Variants in DACH2 observed in about 807,000 individuals in gnomAD.
DACH2 encodes the protein dachshund family transcription factor 2.
Under a neutral mutation model 35.8 loss-of-function variants are expected in DACH2, and 17 were observed. The ratio of observed to expected loss-of-function variants is 0.48; its 90% CI spans 0.33 to 0.71. The LOEUF (loss-of-function observed/expected upper bound fraction) is 0.71, where lower values mean the gene tolerates loss of function less well. DACH2 is among the 30% of genes least tolerant of loss of function. The pLI, the probability that DACH2 is intolerant of heterozygous loss-of-function variation, is 0.02. For missense variants in DACH2, 469 were observed against 472.7 expected (o/e 0.99, Z 0.07); for synonymous variants, 195 against 177.3 (o/e 1.10, Z -0.79).
intron 3 of DACH2, among the ~76,000 whole-genome samples, chrX:86,533,554 A>C (rs2038754501): frequency 8.9e-6 from 1 of 111,846 alleles, no homozygotes; most frequent in African/African-American, 3.2e-5. Flanking sequence ...TGTATGATTT[A>C]TGAAGGTAAG....
At chrX:86,464,859 A>G (rs895091174) in intron 2 of DACH2, among the ~76,000 whole-genome samples, 1 of 111,690 alleles carries the variant, frequency 9.0e-6, no homozygotes, top group African/African-American at 3.3e-5. Flanking sequence ...ACAAATCTAT[A>G]CTATTAAGAA....
chrX:86,672,571 C>T (rs1471882357), intron 4 of DACH2, among the ~76,000 whole-genome samples: 1 of 112,028 alleles, frequency 8.9e-6, no homozygotes, highest in Non-Finnish European at 1.9e-5. Flanking sequence ...GACTGCTGCT[C>T]CAGAGGGTGA....
At chrX:86,753,960 C>T (rs1310366398) in intron 7 of DACH2, among the ~76,000 whole-genome samples, 1 of 107,876 alleles carries the variant, frequency 9.3e-6, no homozygotes, top group Non-Finnish European at 1.9e-5. Flanking sequence ...AACAAATGTT[C>T]AAACACACAA....
intron 3 of DACH2, among the ~76,000 whole-genome samples, chrX:86,617,712 A>G (rs905314184): frequency 2.7e-5 from 3 of 111,959 alleles, no homozygotes; most frequent in African/African-American, 3.2e-5. Context: ...TTCAAGTACA[A>G]GTACTATAAA....
intron 1 of DACH2, among the ~76,000 whole-genome samples, chrX:86,171,089 C>T (rs67862954): frequency 0.15 from 16,638 of 111,415 alleles, 1,403 homozygotes; most frequent in African/African-American, 0.31. Context: ...CCCTATGCAG[C>T]TCCCAGCTTG....
intron 3 of DACH2, among the ~76,000 whole-genome samples, chrX:86,605,943 C>G (rs189847592): frequency 8.1e-5 from 9 of 110,958 alleles, no homozygotes; most frequent in African/African-American, 2.3e-4. Flanking sequence ...TTAAATTCTC[C>G]TTTGTTCATG....
intron 1 of DACH2, among the ~76,000 whole-genome samples, chrX:86,296,914 G>A (rs1173216093): frequency 9.1e-6 from 1 of 109,330 alleles, no homozygotes; most frequent in African/African-American, 3.3e-5. Flanking sequence ...CTAAGAAACA[G>A]GGATGTAGCA....
chrX:86,308,164 C>A (rs766646305), intron 1 of DACH2, among the ~76,000 whole-genome samples: 1 of 112,358 alleles, frequency 8.9e-6, no homozygotes, highest in African/African-American at 3.2e-5. Flanking sequence ...ATACCCTTGA[C>A]CCATGCCTTG....
chrX:86,375,318 A>G (rs1484468464), intron 1 of DACH2, among the ~76,000 whole-genome samples: 1 of 102,359 alleles, frequency 9.8e-6, no homozygotes, highest in Non-Finnish European at 2.0e-5. Flanking sequence ...TTTGGTGAGG[A>G]TTAGTATAAT....
At chrX:86,296,685 A>G (rs1467511366) in intron 1 of DACH2, among the ~76,000 whole-genome samples, 5 of 111,235 alleles carry the variant, frequency 4.5e-5, no homozygotes, top group African/African-American at 1.6e-4. Flanking sequence ...GTATTTTGAG[A>G]TGTACACATA....
intron 1 of DACH2, among the ~76,000 whole-genome samples, chrX:86,289,527 C>T (rs1416897256): frequency 9.4e-6 from 1 of 105,894 alleles, no homozygotes; most frequent in African/African-American, 3.4e-5. Flanking sequence ...CCCACTAACT[C>T]ATCATCTAGC....
intron 1 of DACH2, among the ~76,000 whole-genome samples, chrX:86,221,583 A>G (rs1251457945): frequency 8.9e-6 from 1 of 111,992 alleles, no homozygotes; most frequent in African/African-American, 3.2e-5. Flanking sequence ...AGAATTTTTT[A>G]TCTCTATAAA....
chrX:86,235,611 G>A (rs976411694), intron 1 of DACH2, among the ~76,000 whole-genome samples: 3 of 111,805 alleles, frequency 2.7e-5, no homozygotes, highest in Non-Finnish European at 5.6e-5. Flanking sequence ...AGGTAGTAAC[G>A]CCTTTGCTTT....
intron 7 of DACH2, among the ~76,000 whole-genome samples, chrX:86,802,055 C>T (rs1232672737): frequency 9.0e-6 from 1 of 111,583 alleles, no homozygotes; most frequent in Non-Finnish European, 1.9e-5. Flanking sequence ...ATTTTTGAAA[C>T]GATTTTTTGA....
At chrX:86,342,245 T>C (rs750459711) in intron 1 of DACH2, among the ~76,000 whole-genome samples, 1 of 111,528 alleles carries the variant, frequency 9.0e-6, no homozygotes, top group East Asian at 2.8e-4. Context: ...ATGTCTGTAT[T>C]CCAAGACCTT....
At chrX:86,395,805 G>C (rs1327734984) in intron 2 of DACH2, among the ~76,000 whole-genome samples, 1 of 111,837 alleles carries the variant, frequency 8.9e-6, no homozygotes, top group Non-Finnish European at 1.9e-5. Context: ...CATTTGGGTT[G>C]GTTCCAAGTC....
intron 7 of DACH2, among the ~76,000 whole-genome samples, chrX:86,778,508 A>G (rs2042057667): frequency 8.9e-6 from 1 of 112,368 alleles, no homozygotes. Flanking sequence ...GGACTATAGA[A>G]AAGAAAGTCA....
intron 7 of DACH2, among the ~76,000 whole-genome samples, chrX:86,804,382 C>T (rs186662296): frequency 5.0e-4 from 56 of 111,505 alleles, no homozygotes; most frequent in African/African-American, 1.8e-3. Flanking sequence ...AGAACTTTCC[C>T]CCAGTGATCC....
intron 2 of DACH2, among the ~76,000 whole-genome samples, chrX:86,462,275 T>C (rs951361331): frequency 3.6e-5 from 4 of 111,991 alleles, no homozygotes; most frequent in African/African-American, 1.3e-4. Flanking sequence ...CTTTGATGCA[T>C]TTTTATATAA....
Sources: allele counts gnomAD v4.1 joint callset (sites outside exome capture counted in the v4.1 genomes callset), GRCh38; gene constraint gnomAD v4.1.1; transcripts MANE v1.5; gene names NCBI Gene and HGNC (gene_info 2026-07-23, HGNC 2026-07-21).